Variants in NRXN1 observed in about 807,000 individuals in gnomAD.
The protein encoded by NRXN1 is neurexin 1, also known as neurexin-1.
In NRXN1, 39 loss-of-function variants were observed where a neutral mutation model predicts 150.9. The ratio of observed to expected loss-of-function variants is 0.26; its 90% CI spans 0.20 to 0.34. NRXN1 has a LOEUF of 0.34. Ranked by LOEUF, NRXN1 falls within the 10% of genes least tolerant of loss-of-function variation. NRXN1 has a pLI of 1.00. For missense variants in NRXN1, 1,815 were observed against 1,949.9 expected (o/e 0.93, Z 1.30); for synonymous variants, 924 against 757.0 (o/e 1.22, Z -3.62).
At chr2:50,540,695 C>T (rs1464226357) in intron 9 of NRXN1, among the ~76,000 whole-genome samples, 2 of 151,710 alleles carry the variant, frequency 1.3e-5, no homozygotes, top group African/African-American at 2.4e-5. Flanking sequence ...CAGAGTCTTA[C>T]TCTGTCACAC....
intron 5 of NRXN1, among the ~76,000 whole-genome samples, chr2:50,714,342 A>C (rs564541499): frequency 6.6e-6 from 1 of 152,164 alleles, no homozygotes; most frequent in African/African-American, 2.4e-5. Flanking sequence ...CCTGTAATAT[A>C]TTAAGAGAAA....
At chr2:49,954,835 T>G (rs1674647241) in intron 21 of NRXN1, among the ~76,000 whole-genome samples, 1 of 152,190 alleles carries the variant, frequency 6.6e-6, no homozygotes. Context: ...CTTAGTGATA[T>G]GTTTTATTTT....
chr2:50,151,291 A>C (rs1435673904), intron 18 of NRXN1, among the ~76,000 whole-genome samples: 1 of 151,770 alleles, frequency 6.6e-6, no homozygotes, highest in East Asian at 1.9e-4. Flanking sequence ...TGACAGTTAC[A>C]AACCAAACAA....
intron 18 of NRXN1, among the ~76,000 whole-genome samples, chr2:50,192,770 C>T (rs1396681198): frequency 2.0e-5 from 3 of 152,082 alleles, no homozygotes; most frequent in Non-Finnish European, 4.4e-5. Context: ...CCACTCCCGG[C>T]TAATTTTTTT....
chr2:50,226,518 C>G (rs594114), intron 18 of NRXN1, among the ~76,000 whole-genome samples: 67,478 of 151,600 alleles, frequency 0.45, 15,326 homozygotes, highest in African/African-American at 0.51. Flanking sequence ...AGAGGAGAAG[C>G]ACAAGGAGGA....
chr2:50,450,047 C>T (rs1004867519), intron 17 of NRXN1, among the ~76,000 whole-genome samples: 2 of 152,136 alleles, frequency 1.3e-5, no homozygotes, highest in Non-Finnish European at 2.9e-5. Flanking sequence ...GCACCTGAAG[C>T]CTCATCTGTT....
chr2:50,593,852 A>C (rs1674689685), intron 8 of NRXN1, among the ~76,000 whole-genome samples: 1 of 152,218 alleles, frequency 6.6e-6, no homozygotes, highest in Admixed American at 6.5e-5. Flanking sequence ...AAAAGTAACT[A>C]TCACCATATG....
intron 21 of NRXN1, among the ~76,000 whole-genome samples, chr2:49,964,001 C>T (rs1452060013): frequency 1.3e-5 from 2 of 152,174 alleles, no homozygotes; most frequent in South Asian, 2.1e-4. Context: ...CCACACCTCA[C>T]AACACCTCAC....
At chr2:49,958,408 C>T (rs913713678) in intron 21 of NRXN1, among the ~76,000 whole-genome samples, 6 of 152,082 alleles carry the variant, frequency 3.9e-5, no homozygotes, top group African/African-American at 1.4e-4. Flanking sequence ...TTTCCTCTTG[C>T]CAGCCTTGCA....
intron 15 of NRXN1, among the ~76,000 whole-genome samples, chr2:50,482,696 G>T (rs568415729): frequency 6.6e-6 from 1 of 152,066 alleles, no homozygotes; most frequent in Non-Finnish European, 1.5e-5. Flanking sequence ...GACCTACTGG[G>T]CTGGGCTGCA....
chr2:50,845,393 G>A (rs1040253977), intron 5 of NRXN1, among the ~76,000 whole-genome samples: 3 of 152,114 alleles, frequency 2.0e-5, no homozygotes, highest in Admixed American at 6.5e-5. Flanking sequence ...AGATGTTATC[G>A]TCTCAATTTT....
chr2:50,397,255 C>T (rs1057457594), intron 17 of NRXN1, among the ~76,000 whole-genome samples: 1 of 152,054 alleles, frequency 6.6e-6, no homozygotes, highest in Non-Finnish European at 1.5e-5. Context: ...ATTAGAGTGG[C>T]GATCAGTGAC....
intron 17 of NRXN1, among the ~76,000 whole-genome samples, chr2:50,369,151 T>C (rs1436138323): frequency 6.6e-6 from 1 of 151,948 alleles, no homozygotes; most frequent in Non-Finnish European, 1.5e-5. Flanking sequence ...TATAATCCTA[T>C]ATATTTTCAT....
At chr2:50,496,166 C>G (rs1404402689) in intron 14 of NRXN1, 71 bp from the exon 15 acceptor site, 2 of 1,220,068 alleles carry the variant, frequency 1.6e-6, no homozygotes, top group Non-Finnish European at 2.3e-6. Context: ...GTAGATATTA[C>G]AAATGGAGAT....
At chr2:50,556,064 C>T (rs1227981027) in intron 8 of NRXN1, among the ~76,000 whole-genome samples, 1 of 152,084 alleles carries the variant, frequency 6.6e-6, no homozygotes, top group Non-Finnish European at 1.5e-5. Context: ...GTATTTTTTT[C>T]TTCCCATTTT....
intron 5 of NRXN1, among the ~76,000 whole-genome samples, chr2:50,791,350 T>C (rs1389436356): frequency 6.7e-6 from 1 of 149,052 alleles, no homozygotes; most frequent in Non-Finnish European, 1.5e-5. Flanking sequence ...GCTTTGACTA[T>C]AAGTAGATCT....
chr2:50,027,353 C>A (rs190368296), intron 21 of NRXN1, among the ~76,000 whole-genome samples: 1 of 141,358 alleles, frequency 7.1e-6, no homozygotes, highest in Admixed American at 7.2e-5. Flanking sequence ...TCGTTCCCTT[C>A]CTTCCTTCGT....
intron 5 of NRXN1, among the ~76,000 whole-genome samples, chr2:50,777,694 C>T (rs947219729): frequency 1.3e-5 from 2 of 152,106 alleles, no homozygotes; most frequent in African/African-American, 4.8e-5. Context: ...AAAGAAAATA[C>T]TGCACATCAT....
At chr2:50,700,721 C>T (rs1693616091) in intron 5 of NRXN1, among the ~76,000 whole-genome samples, 1 of 151,088 alleles carries the variant, frequency 6.6e-6, no homozygotes, top group Non-Finnish European at 1.5e-5. Flanking sequence ...TATTGATTTG[C>T]TCATTCTCTT....
Sources: allele counts gnomAD v4.1 joint callset (sites outside exome capture counted in the v4.1 genomes callset), GRCh38; gene constraint gnomAD v4.1.1; transcripts MANE v1.5; gene names NCBI Gene and HGNC (gene_info 2026-07-23, HGNC 2026-07-21).